Variants in RBFOX1 observed in about 807,000 individuals in gnomAD.
RBFOX1 encodes RNA binding protein fox-1 homolog 1.
In RBFOX1, 8 loss-of-function variants were observed where a neutral mutation model predicts 57.7. That is an observed-to-expected ratio of 0.14 (90% CI 0.08 to 0.25). The LOEUF (loss-of-function observed/expected upper bound fraction) is 0.25. RBFOX1 is among the 10% of genes least tolerant of loss of function. The pLI, the probability that RBFOX1 is intolerant of heterozygous loss-of-function variation, is 1.00. For synonymous variants in RBFOX1, 326 were observed against 222.4 expected (o/e 1.47, Z -4.15); for missense variants, 611 against 548.5 (o/e 1.11, Z -1.14).
intron 2 of RBFOX1, among the ~76,000 whole-genome samples, chr16:5,537,337 T>G (rs2044740924): frequency 1.3e-5 from 2 of 152,232 alleles, no homozygotes; most frequent in Admixed American, 6.5e-5. Flanking sequence ...AGCACATCAC[T>G]TCTAGGAAGC....
intron 3 of RBFOX1, among the ~76,000 whole-genome samples, chr16:6,816,580 A>G (rs981154847): frequency 6.6e-6 from 1 of 151,772 alleles, no homozygotes; most frequent in African/African-American, 2.4e-5. Flanking sequence ...TCTCTACTAA[A>G]AATACAAAAA....
intron 4 of RBFOX1, among the ~76,000 whole-genome samples, chr16:5,987,836 C>G (rs1312868413): frequency 6.6e-6 from 1 of 152,344 alleles, no homozygotes; most frequent in East Asian, 1.9e-4. Context: ...AACTCTTACT[C>G]TATCCCTGAC....
intron 2 of RBFOX1, among the ~76,000 whole-genome samples, chr16:6,563,242 G>T (rs1171138551): frequency 6.6e-6 from 1 of 152,062 alleles, no homozygotes; most frequent in Admixed American, 6.6e-5. Context: ...AGCATCCTGT[G>T]CAACACGCAT....
chr16:6,550,142 C>T (rs1351275615), intron 2 of RBFOX1, among the ~76,000 whole-genome samples: 2 of 152,160 alleles, frequency 1.3e-5, no homozygotes, highest in East Asian at 3.9e-4. Flanking sequence ...TCCCTCCCCT[C>T]TCTCTATCTC....
At chr16:6,941,312 T>C (rs151024169) in intron 3 of RBFOX1, among the ~76,000 whole-genome samples, 74 of 86,290 alleles carry the variant, frequency 8.6e-4, no homozygotes, top group South Asian at 2.7e-3. Flanking sequence ...CCTTCCTTCC[T>C]TCCTTCCTTC....
At chr16:6,585,012 G>T (rs537755680) in intron 2 of RBFOX1, among the ~76,000 whole-genome samples, 4 of 152,308 alleles carry the variant, frequency 2.6e-5, no homozygotes, top group African/African-American at 9.6e-5. Flanking sequence ...CAGGCAAGCG[G>T]ATTCCCAGGC....
At chr16:5,298,532 TCTCCCCTCCCTTCCCCTCCC>T (rs2063727163) in intron 1 of RBFOX1, among the ~76,000 whole-genome samples, 1 of 9,006 alleles carries the variant, frequency 1.1e-4, no homozygotes, top group African/African-American at 8.3e-4. Flanking sequence ...CCTCCCTTCC[TCTCCCCTCCCTTCCCCTCCC>T]CTCCCCTCCC....
intron 2 of RBFOX1, among the ~76,000 whole-genome samples, chr16:5,482,829 T>C (rs2069592138): frequency 6.6e-6 from 1 of 152,194 alleles, no homozygotes; most frequent in Non-Finnish European, 1.5e-5. Flanking sequence ...ATCAGCCTGA[T>C]GTAAATAAAA....
intron 3 of RBFOX1, among the ~76,000 whole-genome samples, chr16:6,920,047 T>C (rs2074121543): frequency 6.6e-6 from 1 of 152,126 alleles, no homozygotes; most frequent in Admixed American, 6.6e-5. Flanking sequence ...TGTTTTTCCG[T>C]TCCTGAGTTA....
chr16:6,081,844 G>T (rs562273239), intron 1 of RBFOX1, among the ~76,000 whole-genome samples: 80 of 152,246 alleles, frequency 5.3e-4, no homozygotes, highest in South Asian at 3.7e-3. Flanking sequence ...TTGGTTTCTT[G>T]AGAGTCCTAG....
chr16:5,535,454 C>G (rs1160350481), intron 2 of RBFOX1, among the ~76,000 whole-genome samples: 1 of 152,120 alleles, frequency 6.6e-6, no homozygotes, highest in African/African-American at 2.4e-5. Flanking sequence ...ATTCTGATTC[C>G]AAACCCAAGA....
intron 3 of RBFOX1, among the ~76,000 whole-genome samples, chr16:6,965,552 G>C (rs757267165): frequency 1.3e-5 from 2 of 152,136 alleles, no homozygotes; most frequent in Non-Finnish European, 2.9e-5. Context: ...GGCCAGGCTG[G>C]TGTCAAACTC....
At chr16:5,806,618 A>G (rs2055236787) in intron 3 of RBFOX1, among the ~76,000 whole-genome samples, 1 of 152,224 alleles carries the variant, frequency 6.6e-6, no homozygotes, top group Admixed American at 6.5e-5. Context: ...TTTGCTGTTC[A>G]AGGGTGAAAA....
At chr16:7,670,642 T>A (rs1428577110) in intron 13 of RBFOX1, among the ~76,000 whole-genome samples, 1 of 152,144 alleles carries the variant, frequency 6.6e-6, no homozygotes, top group East Asian at 1.9e-4. Flanking sequence ...TTATCAGGCA[T>A]CGCTCCGTAA....
chr16:5,542,398 G>A (rs1184963436), intron 2 of RBFOX1, among the ~76,000 whole-genome samples: 3 of 151,044 alleles, frequency 2.0e-5, no homozygotes, highest in African/African-American at 7.3e-5. Flanking sequence ...ACAGGCATGC[G>A]CCACCATGCC....
chr16:7,175,684 G>T (rs952301414), intron 4 of RBFOX1, among the ~76,000 whole-genome samples: 1 of 152,184 alleles, frequency 6.6e-6, no homozygotes, highest in Non-Finnish European at 1.5e-5. Flanking sequence ...GTGTTACCCT[G>T]TCAGTTCAAG....
intron 3 of RBFOX1, among the ~76,000 whole-genome samples, chr16:6,955,600 G>A (rs749725917): frequency 1.3e-5 from 2 of 151,956 alleles, no homozygotes; most frequent in Non-Finnish European, 2.9e-5. Context: ...CTGGTGCATT[G>A]TATTGCCCAT....
chr16:6,132,540 C>T (rs923256488), intron 1 of RBFOX1, among the ~76,000 whole-genome samples: 5 of 152,124 alleles, frequency 3.3e-5, no homozygotes, highest in East Asian at 1.9e-4. Flanking sequence ...CTGACCAGTA[C>T]GGTACCTACT....
At chr16:5,479,020 T>G (rs1475492836) in intron 2 of RBFOX1, among the ~76,000 whole-genome samples, 3 of 152,186 alleles carry the variant, frequency 2.0e-5, no homozygotes, top group Non-Finnish European at 2.9e-5. Context: ...CTTTTATTAA[T>G]TTCCTCACAA....
Sources: allele counts gnomAD v4.1 joint callset (sites outside exome capture counted in the v4.1 genomes callset), GRCh38; gene constraint gnomAD v4.1.1; transcripts MANE v1.5; gene names NCBI Gene and HGNC (gene_info 2026-07-23, HGNC 2026-07-21).